Variants in TSHZ3 observed in about 807,000 individuals in gnomAD.
TSHZ3 encodes the protein teashirt homolog 3.
TSHZ3 carries 10 observed loss-of-function variants against 64.5 expected under a neutral mutation model. The observed-to-expected ratio is 0.16, with a 90% CI of 0.10 to 0.26. TSHZ3 has a LOEUF of 0.26. Among genes scored for constraint, TSHZ3 ranks in the 10% least tolerant of loss-of-function variants. TSHZ3 has a pLI of 1.00. For synonymous variants in TSHZ3, 608 were observed against 593.1 expected, an observed-to-expected ratio of 1.03 and a Z score of -0.36; for missense variants, 1,242 against 1,421.7, an observed-to-expected ratio of 0.87 and a Z score of 2.03.
At chr19:31,345,359 C>T (rs1328584707) in intron 1 of TSHZ3, among the ~76,000 whole-genome samples, 2 of 152,168 alleles carry the variant, frequency 1.3e-5, no homozygotes, top group Non-Finnish European at 2.9e-5. Context: ...CAAGAGAGAA[C>T]GGAAAAGCTC....
At chr19:31,316,736 A>C (rs960211157) in intron 1 of TSHZ3, among the ~76,000 whole-genome samples, 3 of 152,150 alleles carry the variant, frequency 2.0e-5, no homozygotes, top group African/African-American at 7.2e-5. Context: ...CACCTCATGG[A>C]AAAGTGGGAA....
intron 1 of TSHZ3, among the ~76,000 whole-genome samples, chr19:31,243,212 A>G (rs1408193053): frequency 1.3e-5 from 2 of 152,236 alleles, no homozygotes; most frequent in African/African-American, 4.8e-5. Context: ...AGAGAAGTAT[A>G]GTACTTCATA....
intron 1 of TSHZ3, among the ~76,000 whole-genome samples, chr19:31,330,017 T>G (rs1310054318): frequency 6.6e-6 from 1 of 152,104 alleles, no homozygotes; most frequent in Non-Finnish European, 1.5e-5. Flanking sequence ...TTCCTCAAGC[T>G]CCAGCCTAGG....
chr19:31,151,436 C>T (rs1018687937), exon 7 of TSHZ3, among the ~76,000 whole-genome samples: 2 of 152,158 alleles, frequency 1.3e-5, no homozygotes, highest in African/African-American at 4.8e-5. Flanking sequence ...GAGACCTGGC[C>T]TGATCCCCTT....
Position 31,279,373 on chromosome 19 carries a change from C to T in TSHZ3, c.420G>A (p.Gln140=). Residue 140 remains glutamine, a synonymous_variant, in exon 2 of 2, where the codon CAG becomes CAA. Transcript: ENST00000240587. This position sits in a 1 kb window ranked among gnomAD's most constrained non-coding sequence, Gnocchi z 6.4. The stretch of plus-strand genomic sequence containing the variant: ...TGCCGTTGTTCTTCTCCGAGGAGGG[C>T]TGGTGCAGGTTGAGGTTGAGGTTGG... ...YWSNLNLNLH[Q]PSSEKNNGSS... 6.2e-7 allele frequency: 1 copy of T among 1,614,170 alleles called. No individual in the cohort carries two copies. The highest frequency in any genetic ancestry group is 8.5e-7 in the Non-Finnish European group (1 of 1,180,016).
intron 1 of TSHZ3, among the ~76,000 whole-genome samples, chr19:31,292,906 CACCCATCCATCCAACCAAAA>C (rs1457962407): frequency 0.015 from 1,953 of 134,548 alleles, 153 homozygotes; most frequent in Admixed American, 0.099. Flanking sequence ...TCCATCCATC[CACCCATCCATCCAACCAAAA>C]ACCCATCCAT....
chr19:31,333,062 T>C (rs1917138493), intron 1 of TSHZ3, among the ~76,000 whole-genome samples: 1 of 151,696 alleles, frequency 6.6e-6, no homozygotes, highest in Non-Finnish European at 1.5e-5. Flanking sequence ...GCCATGATCA[T>C]GCCACTGCAC....
At chr19:31,309,589 A>T (rs1163745693) in intron 1 of TSHZ3, among the ~76,000 whole-genome samples, 2 of 152,226 alleles carry the variant, frequency 1.3e-5, no homozygotes, top group African/African-American at 4.8e-5. Context: ...GGGTCAAGAA[A>T]GGCCTGGAAA....
intron 1 of TSHZ3, among the ~76,000 whole-genome samples, chr19:31,313,387 G>T (rs887183777): frequency 1.3e-5 from 2 of 152,206 alleles, no homozygotes; most frequent in African/African-American, 4.8e-5. Flanking sequence ...TTGAACGATG[G>T]CCCCCATGCC....
chr19:31,202,410 T>C (rs1975101167), intron 5 of TSHZ3, among the ~76,000 whole-genome samples: 1 of 152,212 alleles, frequency 6.6e-6, no homozygotes, highest in East Asian at 1.9e-4. Context: ...TATTTCTTTT[T>C]TTAAATGTGA....
intron 1 of TSHZ3, among the ~76,000 whole-genome samples, chr19:31,284,908 C>G (rs538333914): frequency 6.6e-6 from 1 of 152,352 alleles, no homozygotes. Context: ...CTGCTTCACA[C>G]TTCCTAAATA....
In TSHZ3 at chr19:31,198,389, G is replaced by A. The variant is rs541125579; in HGVS notation, n.809+6567C>T. On this transcript the variant is annotated intron_variant and non_coding_transcript_variant, in intron 5 of 6. Coordinates refer to the TSHZ3 transcript ENST00000651361. Reference sequence around the variant, plus strand: ...CTAAGATTAGGAACAAAGCAAGAATGTTGCCTCTCACCATTATTTTCAACA... The same window carrying A: ...CTAAGATTAGGAACAAAGCAAGAATATTGCCTCTCACCATTATTTTCAACA... 3.3e-5 allele frequency among the ~76,000 whole-genome samples: 5 copies of A among 152,132 alleles called. No individual in the cohort carries two copies. In the South Asian group the frequency reaches 1.0e-3, roughly 32 times the overall value.
At chr19:31,341,126 A>C (rs999236559) in intron 1 of TSHZ3, among the ~76,000 whole-genome samples, 1 of 152,132 alleles carries the variant, frequency 6.6e-6, no homozygotes, top group African/African-American at 2.4e-5. Flanking sequence ...CCTCTGTAAC[A>C]CTTGGGACAA....
chr19:31,182,625 G>C (rs1226156653), intron 5 of TSHZ3, among the ~76,000 whole-genome samples: 1 of 152,178 alleles, frequency 6.6e-6, no homozygotes, highest in Non-Finnish European at 1.5e-5. Flanking sequence ...GAAGCTAGCT[G>C]GTGTTTCTTG....
chr19:31,247,529 A>G (rs1401261790), intron 1 of TSHZ3, among the ~76,000 whole-genome samples: 2 of 152,236 alleles, frequency 1.3e-5, no homozygotes, highest in Non-Finnish European at 2.9e-5. Flanking sequence ...CGTCAGTGTC[A>G]TGGAACACAA....
At chr19:31,243,925 G>A (rs1352725556) in intron 1 of TSHZ3, among the ~76,000 whole-genome samples, 1 of 152,186 alleles carries the variant, frequency 6.6e-6, no homozygotes, top group Non-Finnish European at 1.5e-5. Flanking sequence ...CCTGAGGGTG[G>A]TTATCAGCAA....
At chr19:31,180,940 G>A (rs1974703114) in intron 5 of TSHZ3, among the ~76,000 whole-genome samples, 1 of 152,144 alleles carries the variant, frequency 6.6e-6, no homozygotes, top group Non-Finnish European at 1.5e-5. Flanking sequence ...GATGAGCGAT[G>A]TCACCATCTT....
At chr19:31,314,168 C>T (rs905661046) in intron 1 of TSHZ3, among the ~76,000 whole-genome samples, 2 of 152,076 alleles carry the variant, frequency 1.3e-5, no homozygotes, top group Admixed American at 6.5e-5. Context: ...AGAAAGGATG[C>T]CTCCTTCCGG....
At position 31,277,926 on chromosome 19, in the gene TSHZ3, T is replaced by C; in HGVS notation, c.1867A>G (p.Lys623Glu). Residue 623 changes from lysine (K) to glutamate (E), a missense_variant, in exon 2 of 2, where the codon AAA becomes GAA. Physicochemically the swap from Lys to Glu is moderately conservative, Grantham distance 56. Coordinates refer to ENST00000240587, the MANE Select transcript of TSHZ3 (RefSeq NM_020856.4). The surrounding 1 kb of genome is among the most constrained non-coding windows in gnomAD (Gnocchi z 4.5). ...GGCTCCTTCATCTTCTCCTCCACTT[T>C]GGCAACTTTCTCAGTGACCTTTTTC... ...LVKKVTEKVAKVEEKMKEPDG... is the reference protein window; with the variant it reads ...LVKKVTEKVAEVEEKMKEPDG... 1 of 1,614,214 alleles carries C rather than the reference T, an allele frequency of 6.2e-7. No homozygotes were observed. Among genetic ancestry groups the C allele is most frequent in the Non-Finnish European group, 8.5e-7 (1 of 1,180,034 alleles).
Sources: gnomAD v4.1 joint callset for allele counts (sites outside exome capture counted in the v4.1 genomes callset) on GRCh38, gnomAD v4.1.1 for gene constraint, Gnocchi (gnomAD v3.1) non-coding constraint, MANE v1.5 for transcripts, NCBI Gene and HGNC (gene_info 2026-07-23, HGNC 2026-07-21) for gene names.